ALS2: variants seen among roughly 807,000 people sequenced by gnomAD.
The protein encoded by ALS2 is alsin.
ALS2 carries 117 observed loss-of-function variants against 203.4 expected under a neutral mutation model. The observed-to-expected ratio is 0.58, with a 90% CI of 0.50 to 0.67. The LOEUF (loss-of-function observed/expected upper bound fraction) is 0.67. Among genes scored for constraint, ALS2 ranks in the 30% least tolerant of loss-of-function variants. The probability of loss-of-function intolerance (pLI) is 0.00; values close to 1 mark genes in which losing one functional copy is unlikely to be tolerated. For missense variants in ALS2, 1,715 were observed against 1,989.4 expected (o/e 0.86, Z 2.62); for synonymous variants, 718 against 725.9 (o/e 0.99, Z 0.17).
At chr2:201,772,482 G>A (rs182280958) in intron 1 of ALS2, among the ~76,000 whole-genome samples, 3 of 152,220 alleles carry the variant, frequency 2.0e-5, no homozygotes, top group Admixed American at 6.5e-5. Context: ...ACTGATATGA[G>A]GTTATTTATC....
At position 201,718,038 on chromosome 2, in the gene ALS2, C is replaced by T. The variant is rs762054245; in HGVS notation, c.3836+39G>A. 10 of 1,605,298 alleles carry T rather than the reference C, an allele frequency of 6.2e-6. No individual in the cohort carries two copies. The Admixed American group carries it at 8.3e-5, about 13-fold the overall frequency. ...TTGATAAAAGCAAGACAACTCCAAA[C>T]ATTCAATAATTAATCCAGAATTAAC... On this transcript the variant is annotated intron_variant, in intron 24 of 33. Transcript: ENST00000264276.
At chr2:201,777,257 GTCCT>G (rs1246265521) in intron 1 of ALS2, among the ~76,000 whole-genome samples, 1 of 142,740 alleles carries the variant, frequency 7.0e-6, no homozygotes, top group African/African-American at 3.0e-5. Flanking sequence ...CAGGCTTCAT[GTCCT>G]AAAGAAAGCA....
intron 1 of ALS2, among the ~76,000 whole-genome samples, chr2:201,771,171 C>G (rs973702698): frequency 1.3e-5 from 2 of 151,224 alleles, no homozygotes; most frequent in Non-Finnish European, 3.0e-5. Flanking sequence ...CTCAGCCTCC[C>G]GAGTAGCTGG....
At chr2:201,709,235 C>A (rs967754323) in intron 27 of ALS2, among the ~76,000 whole-genome samples, 2 of 152,196 alleles carry the variant, frequency 1.3e-5, no homozygotes, top group African/African-American at 4.8e-5. Context: ...TCAGTCTGCT[C>A]TGACCTTCTC....
At chr2:201,771,348 C>T (rs7603612) in intron 1 of ALS2, among the ~76,000 whole-genome samples, 25,678 of 151,972 alleles carry the variant, frequency 0.17, 2,466 homozygotes, top group East Asian at 0.4. Flanking sequence ...TGAGCCACCG[C>T]GCCCGGCCCC....
At chr2:201,753,777 A>T (rs1209049625) in intron 6 of ALS2, among the ~76,000 whole-genome samples, 1 of 152,208 alleles carries the variant, frequency 6.6e-6, no homozygotes, top group Non-Finnish European at 1.5e-5. Context: ...GCAGTGGCAG[A>T]GACATCTTTC....
At chr2:201,734,987 T>C (rs1691790403) in intron 12 of ALS2, among the ~76,000 whole-genome samples, 1 of 152,164 alleles carries the variant, frequency 6.6e-6, no homozygotes, top group Non-Finnish European at 1.5e-5. Flanking sequence ...ATTGATAAAA[T>C]GTGGTAATGT....
intron 13 of ALS2, among the ~76,000 whole-genome samples, chr2:201,730,480 T>G (rs948343958): frequency 2.0e-5 from 3 of 152,230 alleles, no homozygotes; most frequent in African/African-American, 4.8e-5. Context: ...AACATTCTAA[T>G]TTTCGCTTAA....
At chr2:201,739,572 G>A (rs1426879977) in intron 11 of ALS2, among the ~76,000 whole-genome samples, 3 of 151,428 alleles carry the variant, frequency 2.0e-5, no homozygotes, top group South Asian at 2.1e-4. Context: ...GTGAAACCCC[G>A]TCTCTACTAA....
chr2:201,733,080 A>C (rs972835972), intron 13 of ALS2, among the ~76,000 whole-genome samples, 196 bp downstream of exon 13: 4 of 152,228 alleles, frequency 2.6e-5, no homozygotes, highest in African/African-American at 9.6e-5. Context: ...CCCTAAAGGG[A>C]AACTGAATCC....
chr2:201,724,596 C>A, intron 20 of ALS2, 137 bp from the exon 21 acceptor site: 1 of 942,618 alleles, frequency 1.1e-6, no homozygotes, highest in Non-Finnish European at 1.6e-6. Context: ...TATTTTTCAC[C>A]AATTAAAAAA....
At chr2:201,760,002 C>T (rs1693657890) in intron 4 of ALS2, 3 of 983,730 alleles carry the variant, frequency 3.0e-6, no homozygotes, top group Non-Finnish European at 3.6e-6. Context: ...TACCACAAAT[C>T]TTCAAAATGA....
intron 28 of ALS2, among the ~76,000 whole-genome samples, chr2:201,707,433 AT>A (rs1181057549): frequency 2.8e-4 from 40 of 142,770 alleles, no homozygotes; most frequent in East Asian, 6.1e-4. Context: ...ACCCAGCTAC[AT>A]TTTTTTTTTT....
intron 25 of ALS2, among the ~76,000 whole-genome samples, chr2:201,714,503 C>T (rs1370467923): frequency 6.6e-6 from 1 of 152,204 alleles, no homozygotes; most frequent in Non-Finnish European, 1.5e-5. Context: ...CTACCTGTGT[C>T]TTTTTCCCTT....
intron 1 of ALS2, among the ~76,000 whole-genome samples, chr2:201,773,779 C>A (rs1559094375): frequency 6.6e-6 from 1 of 152,082 alleles, no homozygotes. Context: ...AGCTCCTGCG[C>A]CTGGAAGTTG....
chr2:201,715,763 C>A lies in ALS2; in HGVS notation c.3913G>T (p.Gly1305Cys), dbSNP rs770526438. The change falls in exon 25 of 34, where the codon GGC becomes TGC. Residue 1305 changes from glycine to cysteine, a missense_variant. Transcript: ENST00000264276. ...AVFDECWRQL[G>C]CEGPGQGEVW... ...TCCCCTTGGCCTGGGCCCTCACAGC[C>A]CAGTTGGCGCCAACATTCGTCAAAC... 9.7e-5 allele frequency: 156 copies of A among 1,614,094 alleles called. No homozygotes were observed. The highest frequency in any genetic ancestry group is 1.3e-4 in the Non-Finnish European group (153 of 1,180,044).
chr2:201,716,979 T>G lies in ALS2; in HGVS notation c.3836+1098A>C, dbSNP rs1690437340. On this transcript the variant is annotated intron_variant, in intron 24 of 33. Coordinates refer to ENST00000264276, the MANE Select transcript of ALS2 (RefSeq NM_020919.4). The stretch of plus-strand genomic sequence containing the variant: ...ACATATGCCAAAAACTGTCCACTTC[T>G]GTGATTGTGCCACATCTAGGGAGAG... 2.0e-5 allele frequency among the ~76,000 whole-genome samples: 3 copies of G among 152,272 alleles called. No homozygotes were observed. The South Asian group carries it at 6.2e-4, about 32-fold the overall frequency.
At chr2:201,743,971 T>C (rs1692463153) in intron 10 of ALS2, among the ~76,000 whole-genome samples, 1 of 152,204 alleles carries the variant, frequency 6.6e-6, no homozygotes, top group Non-Finnish European at 1.5e-5. Flanking sequence ...TAGGGTCAAC[T>C]TTCCCAAAGT....
At chr2:201,769,227 T>G (rs556169063) in intron 1 of ALS2, among the ~76,000 whole-genome samples, 25 of 152,304 alleles carry the variant, frequency 1.6e-4, no homozygotes, top group African/African-American at 6.0e-4. Flanking sequence ...TTTTGTTTTT[T>G]ATTATAAAGA....
Sources: allele counts gnomAD v4.1 joint callset (sites outside exome capture counted in the v4.1 genomes callset), GRCh38; gene constraint gnomAD v4.1.1; transcripts MANE v1.5; gene names NCBI Gene and HGNC (gene_info 2026-07-23, HGNC 2026-07-21).